The following SUPT6H variants were observed in gnomAD, a reference collection of about 807,000 sequenced individuals.
The protein encoded by SUPT6H is transcription elongation factor SPT6.
A neutral mutation model predicts 222.3 loss-of-function variants in SUPT6H; 11 were observed. The ratio of observed to expected loss-of-function variants is 0.05; its 90% CI spans 0.03 to 0.08. The LOEUF is 0.08. Ranked by LOEUF, SUPT6H falls within the 10% of genes least tolerant of loss-of-function variation. The probability of loss-of-function intolerance (pLI) is 1.00; values close to 1 mark genes in which losing one functional copy is unlikely to be tolerated. For missense variants in SUPT6H, 1,422 were observed against 2,216.0 expected, an observed-to-expected ratio of 0.64 and a Z score of 7.19; for synonymous variants, 762 against 801.2, an observed-to-expected ratio of 0.95 and a Z score of 0.83.
In SUPT6H at chr17:28,700,220, A is replaced by G. The variant is rs1050847214; in HGVS notation, c.4609A>G (p.Asn1537Asp). ...CAGGACCCGGACACCTGCCTCTATCAATGCTACCCCAGCCAACATCAACCT... is the reference window on the plus strand; with the variant it reads ...CAGGACCCGGACACCTGCCTCTATCGATGCTACCCCAGCCAACATCAACCT... ...SSRTRTPASINATPANINLAD... is the reference protein window; with the variant it reads ...SSRTRTPASIDATPANINLAD... Residue 1537 changes from asparagine (N) to aspartate (D), a missense_variant, in exon 34 of 37, where the codon AAT becomes GAT. Transcript: ENST00000314616. 6 of 1,614,048 alleles carry G rather than the reference A, an allele frequency of 3.7e-6. No homozygotes were observed. Among genetic ancestry groups the G allele is most frequent in the African/African-American group, 1.3e-5 (1 of 74,912 alleles).
intron 29 of SUPT6H, 134 bp from the exon 30 acceptor site, chr17:28,696,710 C>G (rs563332653): frequency 1.3e-6 from 1 of 789,686 alleles, no homozygotes; most frequent in East Asian, 2.5e-5. Flanking sequence ...TCATGATTTG[C>G]CACTGGCACT....
In SUPT6H at chr17:28,686,340, C is replaced by T. The variant is rs755253629; in HGVS notation, c.2489C>T (p.Ala830Val). Residue 830 changes from alanine (A) to valine (V), a missense_variant and splice_region_variant, in exon 20 of 37, where the codon GCT becomes GTT. By Grantham distance (64) the Ala-to-Val change is moderately conservative (BLOSUM62 0). This residue lies in a region of SUPT6H where 294 missense variants were observed against 382.1 expected (regional missense o/e 0.77). Transcript: ENST00000314616. Reference sequence around the variant, plus strand: ...AGCTTCAATTTTCTTTCAATCCAGGCTCAAGACATTGAAACGCTAAAGAAA... The same window carrying T: ...AGCTTCAATTTTCTTTCAATCCAGGTTCAAGACATTGAAACGCTAAAGAAA... The part of the protein sequence containing the change: ...AWREEEREKK[A>V]QDIETLKKFL... The T allele has an allele frequency of 1.3e-5, 21 of 1,613,970 alleles. No homozygotes were observed. Among genetic ancestry groups the T allele is most frequent in the Non-Finnish European group, 1.7e-5 (20 of 1,179,944 alleles).
rs2030744635 is a variant in SUPT6H, at chr17:28,676,345, T to C, written c.812T>C (p.Met271Thr). 1.2e-6 allele frequency: 2 copies of C among 1,609,498 alleles called. No individual in the cohort carries two copies. Among genetic ancestry groups the C allele is most frequent in the Non-Finnish European group, 1.7e-6 (2 of 1,179,302 alleles). ...GTGAGCCGTAGGAGCATCTTTGAAA[T>C]GTATGAGCCCAGTGAGCTAGAAAGC... is the stretch of plus-strand genomic sequence containing the variant. Reference protein sequence around the residue: ...KRVSRRSIFEMYEPSELESSH... With the variant: ...KRVSRRSIFETYEPSELESSH... Residue 271 changes from methionine (M) to threonine (T), a missense_variant, in exon 7 of 37, where the codon ATG (methionine) becomes ACG (threonine). By Grantham distance (81) the Met-to-Thr change is moderately conservative (BLOSUM62 -1). Coordinates refer to ENST00000314616, the MANE Select transcript of SUPT6H (RefSeq NM_003170.5).
In SUPT6H at chr17:28,691,081, A is replaced by T; in HGVS notation, c.3633+18A>T. 6.2e-7 allele frequency: 1 copy of T among 1,610,258 alleles called. No individual in the cohort carries two copies. The highest frequency in any genetic ancestry group is 8.5e-7 in the Non-Finnish European group (1 of 1,178,206). ...TAAGCGAGGTGTGTGCTGCAGCATT[A>T]TCCTGCTCAGTGGATTTCCTTGGTT... On this transcript the variant is annotated intron_variant, in intron 27 of 36. Coordinates refer to ENST00000314616, the MANE Select transcript of SUPT6H (RefSeq NM_003170.5).
At position 28,678,072 on chromosome 17, in the gene SUPT6H, G is replaced by T. The variant is rs1334425306; in HGVS notation, c.1000-4G>T. ...CTTGCTATTTCTTTATTTTCCTACT[G>T]TAGGAAAGCTGTGATTACCTAGACC... On this transcript the variant is annotated splice_polypyrimidine_tract_variant and splice_region_variant and intron_variant, in intron 8 of 36. Coordinates refer to ENST00000314616, the MANE Select transcript of SUPT6H (RefSeq NM_003170.5). The T allele has an allele frequency of 6.2e-7, 1 of 1,612,570 alleles. No individual in the cohort carries two copies. Among genetic ancestry groups the T allele is most frequent in the African/African-American group, 1.3e-5 (1 of 74,884 alleles).
rs916824969 is a variant in SUPT6H, at chr17:28,687,097, C to T, written c.2710C>T (p.Arg904Trp). Residue 904 changes from arginine (R) to tryptophan (W), a missense_variant, in exon 22 of 37, where the codon CGG becomes TGG. Physicochemically the swap from Arg to Trp is moderately radical, Grantham distance 101. This residue lies in a region of SUPT6H where 294 missense variants were observed against 382.1 expected (regional missense o/e 0.77). Transcript: ENST00000314616. ...MNSKKSEAEF[R>W]DYPPVLRQAV... ...CCTCGTTTGACTCTAGGCAGAGTTC[C>T]GGGATTATCCTCCAGTGCTGAGACA... 7.4e-6 allele frequency: 12 copies of T among 1,613,128 alleles called. No individual in the cohort carries two copies. The highest frequency in any genetic ancestry group is 2.7e-5 in the African/African-American group (2 of 74,870).
Position 28,702,216 on chromosome 17 carries a change from A to G in SUPT6H, c.*591A>G, listed in dbSNP as rs1228707910. The G allele has an allele frequency of 1.3e-5, 2 of 153,588 alleles. No homozygotes were observed. Among genetic ancestry groups the G allele is most frequent in the African/African-American group, 4.8e-5 (2 of 41,408 alleles). The allele number at this position is 153,588 out of a possible 1,614,324, so 9.5% of individuals were successfully genotyped here. A position where few individuals can be genotyped will look rare whatever the true frequency, so the allele number is the denominator to read the frequency against. The stretch of plus-strand genomic sequence containing the variant: ...CGCTTCCTGCCTGTCATTTGAATAA[A>G]CAGTGTTTCTATTGAGCTCTTGCCA... On this transcript the variant is annotated 3_prime_UTR_variant, in exon 37 of 37. Transcript: ENST00000314616.
At chr17:28,671,592 C>G (rs1417295189) in intron 1 of SUPT6H, among the ~76,000 whole-genome samples, 1 of 152,168 alleles carries the variant, frequency 6.6e-6, no homozygotes, top group African/African-American at 2.4e-5. Flanking sequence ...AAGTCCTACT[C>G]AAGGCCCATC....
At chr17:28,689,230 T>C (rs1255582438) in intron 24 of SUPT6H, 124 bp from the exon 25 acceptor site, 2 of 788,570 alleles carry the variant, frequency 2.5e-6, no homozygotes, top group African/African-American at 3.5e-5. Context: ...TGTTAATGGC[T>C]GTATAGTATT....
chr17:28,701,607 G>A lies in SUPT6H; in HGVS notation c.5163G>A (p.Leu1721=). 1 of 1,611,148 alleles carries A rather than the reference G, an allele frequency of 6.2e-7. No homozygotes were observed. Among genetic ancestry groups the A allele is most frequent in the Non-Finnish European group, 8.5e-7 (1 of 1,177,758 alleles). Residue 1721 remains leucine, a synonymous_variant, in exon 37 of 37, where the codon CTG becomes CTA. Coordinates refer to ENST00000314616, the MANE Select transcript of SUPT6H (RefSeq NM_003170.5). ...TTGCTGGCGATGCCACCCCACTCCT[G>A]GACGAGATGGATCGGTAGGGGGCCT... ...MSIAGDATPL[L]DEMDR
chr17:28,675,397 C>G lies in SUPT6H; in HGVS notation c.539-4C>G. The G allele has an allele frequency of 6.2e-7, 1 of 1,614,118 alleles. No homozygotes were observed. On this transcript the variant is annotated splice_region_variant and splice_polypyrimidine_tract_variant and intron_variant, in intron 5 of 36. Transcript: ENST00000314616. ...GAGCCCCAACCCATCCTTTTCCTAC[C>G]CAGATATTGACGACTTCATTGTGGA...
chr17:28,671,568 G>A (rs1304416185), intron 1 of SUPT6H, among the ~76,000 whole-genome samples: 1 of 152,192 alleles, frequency 6.6e-6, no homozygotes, highest in East Asian at 1.9e-4. Flanking sequence ...TTGTGATGAT[G>A]TGTGCTGTTT....
rs765230961 is a variant in SUPT6H at position 28,675,023 on chromosome 17, G to A, written c.399G>A (p.Glu133=). The A allele has an allele frequency of 9.4e-5, 152 of 1,614,110 alleles. No homozygotes were observed. The highest frequency in any genetic ancestry group is 1.3e-4 in the Non-Finnish European group (151 of 1,180,014). ...KMSDDEDDDE[E]EYGKEEHEKE... is the part of the protein sequence containing the mutation. ...CAGATGACGAGGACGATGACGAGGA[G>A]GAATATGGCAAGGAGGAACATGAAA... Residue 133 remains glutamate, a synonymous_variant, in exon 5 of 37, where the codon GAG becomes GAA. Transcript: ENST00000314616.
In SUPT6H at chr17:28,678,809, A is replaced by G. The variant is rs770421879; in HGVS notation, c.1207-12A>G. 3 of 1,614,086 alleles carry G rather than the reference A, an allele frequency of 1.9e-6. No individual in the cohort carries two copies. Among genetic ancestry groups the G allele is most frequent in the East Asian group, 2.2e-5 (1 of 44,874 alleles). ...GAACACAAGCTCTCATTCCTGCCCT[A>G]CTTCACCTTAGTGGACCCAGCTGCG... On this transcript the variant is annotated splice_polypyrimidine_tract_variant and intron_variant, in intron 10 of 36. Coordinates refer to ENST00000314616, the MANE Select transcript of SUPT6H (RefSeq NM_003170.5).
chr17:28,673,434 G>A lies in SUPT6H; in HGVS notation c.33G>A (p.Glu11=), dbSNP rs2030553212. Reference sequence around the variant, plus strand: ...ATTTTGTGGAAAGCGAGGCTGAGGAGTCAGAGGAAGAATACAATGATGAAG... The same window carrying A: ...ATTTTGTGGAAAGCGAGGCTGAGGAATCAGAGGAAGAATACAATGATGAAG... MSDFVESEAE[E]SEEEYNDEGE... is the part of the protein sequence containing the mutation. The change falls in exon 2 of 37, where the codon GAG becomes GAA. Residue 11 remains glutamate (E), a synonymous_variant. Transcript: ENST00000314616. 1.2e-6 allele frequency: 2 copies of A among 1,614,034 alleles called. No individual in the cohort carries two copies. The highest frequency in any genetic ancestry group is 2.2e-5 in the South Asian group (2 of 91,080).
intron 6 of SUPT6H, 54 bp from the exon 7 acceptor site, chr17:28,676,103 A>G: frequency 1.3e-6 from 2 of 1,529,644 alleles, no homozygotes; most frequent in Non-Finnish European, 1.8e-6. Flanking sequence ...CAAGGGCTGC[A>G]TTTCTCTCCT....
At chr17:28,667,792 T>A (rs780736279) in intron 1 of SUPT6H, among the ~76,000 whole-genome samples, 53 of 151,946 alleles carry the variant, frequency 3.5e-4, no homozygotes, top group Non-Finnish European at 2.9e-4. Context: ...CATAACGTTA[T>A]TAACAAGTTT....
At chr17:28,675,261 A>C in intron 5 of SUPT6H, 99 bp downstream of exon 5, 1 of 1,484,120 alleles carries the variant, frequency 6.7e-7, no homozygotes, top group Non-Finnish European at 9.2e-7. Context: ...TACATCCCCC[A>C]GCATTTGACA....
intron 11 of SUPT6H, 54 bp from the exon 12 acceptor site, chr17:28,681,202 G>T: frequency 6.2e-7 from 1 of 1,603,158 alleles, no homozygotes; most frequent in South Asian, 1.1e-5. Flanking sequence ...TAGCCAAATT[G>T]GGATATACCC....
Sources: allele counts gnomAD v4.1 joint callset (sites outside exome capture counted in the v4.1 genomes callset), GRCh38; gene constraint gnomAD v4.1.1; regional missense constraint gnomAD v4.1.1; transcripts MANE v1.5; gene names NCBI Gene and HGNC (gene_info 2026-07-23, HGNC 2026-07-21).